ZFR: variants seen among roughly 807,000 people sequenced by gnomAD.
ZFR encodes the protein zinc finger RNA-binding protein.
In ZFR, 19 loss-of-function variants were observed where a neutral mutation model predicts 130.7. The observed-to-expected ratio is 0.15, with a 90% CI of 0.10 to 0.21. ZFR has a LOEUF of 0.21. Among genes scored for constraint, ZFR ranks in the 10% least tolerant of loss-of-function variants. ZFR has a pLI of 1.00. For synonymous variants in ZFR, 466 were observed against 456.9 expected, an observed-to-expected ratio of 1.02 and a Z score of -0.25; for missense variants, 872 against 1,321.5, an observed-to-expected ratio of 0.66 and a Z score of 5.27.
rs10693151 is a variant in ZFR, at chr5:32,422,798, C to CAAAAAAAAAAA, written c.138-2706_138-2696dup. The stretch of plus-strand genomic sequence containing the variant: ...CTGGATGACAGAGTAAAACCTGTCT[C>CAAAAAAAAAAA]AAAAAAAAAAAAAAAAAAAAAAAAG... On this transcript the variant is annotated intron_variant, in intron 2 of 19. Coordinates refer to ENST00000265069, the MANE Select transcript of ZFR (RefSeq NM_016107.5). Among the ~76,000 whole-genome samples the CAAAAAAAAAAA allele has an allele frequency of 4.9e-3, 117 of 23,998 alleles. 11 individuals carry two copies. Among genetic ancestry groups the CAAAAAAAAAAA allele is most frequent in the African/African-American group, 0.012 (81 of 6,754 alleles). 15.7% of individuals were successfully genotyped at this position (23,998 alleles called of 152,430 possible).
chr5:32,384,554 T>C (rs1157060062), intron 15 of ZFR, among the ~76,000 whole-genome samples: 1 of 152,196 alleles, frequency 6.6e-6, no homozygotes, highest in Middle Eastern at 3.2e-3. Context: ...TACAAATGAA[T>C]TTTAATATTA....
At chr5:32,420,651 CAT>C (rs1457308595) in intron 2 of ZFR, among the ~76,000 whole-genome samples, 1 of 152,178 alleles carries the variant, frequency 6.6e-6, no homozygotes, top group Admixed American at 6.5e-5. Flanking sequence ...CCCCAGGGGA[CAT>C]ATGGCCATAT....
At chr5:32,397,397 C>G in intron 9 of ZFR, 59 bp from the exon 10 acceptor site, 1 of 1,571,074 alleles carries the variant, frequency 6.4e-7, no homozygotes, top group South Asian at 1.2e-5. Flanking sequence ...CATTCATAAA[C>G]CCCCACATAT....
chr5:32,442,300 T>A (rs1178163124), intron 2 of ZFR, among the ~76,000 whole-genome samples: 2 of 152,236 alleles, frequency 1.3e-5, no homozygotes, highest in Admixed American at 6.5e-5. Flanking sequence ...CAGATGCTGA[T>A]TAGCTATCTC....
Position 32,389,847 on chromosome 5 carries a change from A to G in ZFR, c.2142+428T>C, listed in dbSNP as rs181954823. ...ATAAAAAATGGAGGAAAGATTCTAAATCAGATTAAAAACTTGTATCAAGCT... is the reference window on the plus strand; with the variant it reads ...ATAAAAAATGGAGGAAAGATTCTAAGTCAGATTAAAAACTTGTATCAAGCT... On this transcript the variant is annotated intron_variant, in intron 12 of 19. Transcript: ENST00000265069. Among the ~76,000 whole-genome samples, 375 of 152,318 alleles carry G rather than the reference A, an allele frequency of 2.5e-3. 1 individual carries two copies. The highest frequency in any genetic ancestry group is 0.014 in the Middle Eastern group (4 of 294).
intron 2 of ZFR, among the ~76,000 whole-genome samples, chr5:32,427,374 C>CAAAAAA (rs540663022): frequency 1.2e-4 from 8 of 66,472 alleles, no homozygotes; most frequent in African/African-American, 5.2e-4. Context: ...GACTCTGTCT[C>CAAAAAA]AAAAAAAAAA....
intron 2 of ZFR, among the ~76,000 whole-genome samples, chr5:32,426,007 T>G (rs576090776): frequency 6.6e-6 from 1 of 152,360 alleles, no homozygotes; most frequent in South Asian, 2.1e-4. Context: ...TCTCTATTTA[T>G]TATCCCTTTA....
At chr5:32,389,020 C>G (rs1194207248) in intron 12 of ZFR, among the ~76,000 whole-genome samples, 2 of 152,228 alleles carry the variant, frequency 1.3e-5, no homozygotes, top group Non-Finnish European at 2.9e-5. Context: ...ACTGCCAACC[C>G]TCTGAGCAAA....
At chr5:32,395,559 T>G (rs1190682749) in intron 10 of ZFR, among the ~76,000 whole-genome samples, 1 of 152,182 alleles carries the variant, frequency 6.6e-6, no homozygotes, top group Non-Finnish European at 1.5e-5. Context: ...CTAATGGATA[T>G]TTAATTTTAC....
chr5:32,432,224 T>C (rs1173996630), intron 2 of ZFR, among the ~76,000 whole-genome samples: 1 of 152,124 alleles, frequency 6.6e-6, no homozygotes, highest in African/African-American at 2.4e-5. Context: ...TGAACTTTGA[T>C]TGCGCCACTG....
chr5:32,375,719 C>G (rs1752789701), intron 17 of ZFR, among the ~76,000 whole-genome samples: 1 of 152,130 alleles, frequency 6.6e-6, no homozygotes, highest in Admixed American at 6.5e-5. Flanking sequence ...GTTGCCCAAG[C>G]TGGTCTCCAA....
At chr5:32,407,097 AAATT>A in intron 5 of ZFR, 76 bp from the exon 6 acceptor site, 2 of 1,246,020 alleles carry the variant, frequency 1.6e-6, no homozygotes, top group Non-Finnish European at 2.2e-6. Context: ...AATTTAAATT[AAATT>A]AATCCTGCCA....
chr5:32,397,184 G>T (rs748336250), intron 10 of ZFR, 35 bp downstream of exon 10: 6 of 1,562,896 alleles, frequency 3.8e-6, no homozygotes, highest in Non-Finnish European at 4.3e-6. Context: ...TTTGTTTTTT[G>T]TTTTAAAGAA....
chr5:32,376,133 T>C (rs1752803115), intron 17 of ZFR, among the ~76,000 whole-genome samples: 1 of 152,014 alleles, frequency 6.6e-6, no homozygotes, highest in South Asian at 2.1e-4. Context: ...TGAGCCACCA[T>C]GCCCAGTTTT....
At chr5:32,385,366 A>C in intron 15 of ZFR, 142 bp downstream of exon 15, 104 of 842,628 alleles carry the variant, frequency 1.2e-4, no homozygotes, top group Non-Finnish European at 1.6e-4. Flanking sequence ...ATCTTAGGCA[A>C]AACCGGTTGC....
chr5:32,358,770 A>T (rs546594344), intron 19 of ZFR, among the ~76,000 whole-genome samples: 3 of 152,116 alleles, frequency 2.0e-5, no homozygotes, highest in Non-Finnish European at 2.9e-5. Flanking sequence ...GTCTTGGCTG[A>T]AGGGCATATC....
At chr5:32,409,753 G>A (rs776226565) in intron 5 of ZFR, among the ~76,000 whole-genome samples, 11 of 152,182 alleles carry the variant, frequency 7.2e-5, no homozygotes, top group East Asian at 3.9e-4. Flanking sequence ...TTGCTGAACC[G>A]ATGGATACAG....
intron 2 of ZFR, among the ~76,000 whole-genome samples, chr5:32,431,147 G>A (rs111287040): frequency 0.019 from 2,867 of 152,274 alleles, 88 homozygotes; most frequent in African/African-American, 0.066. Context: ...ATTTACTTTA[G>A]AAAGAATAAA....
rs144054761 is a variant in ZFR at position 32,389,702 on chromosome 5, T to A, written c.2142+573A>T. Among the ~76,000 whole-genome samples, 1,190 of 152,320 alleles carry A rather than the reference T, an allele frequency of 7.8e-3. 15 individuals carry two copies. The highest frequency in any genetic ancestry group is 0.027 in the African/African-American group (1,123 of 41,576). ...GAAAACCAAAGGCAAGAGTCTCATGTGAAAGAACAGTTGGCATAAAAAGCT... is the reference window on the plus strand; with the variant it reads ...GAAAACCAAAGGCAAGAGTCTCATGAGAAAGAACAGTTGGCATAAAAAGCT... On this transcript the variant is annotated intron_variant, in intron 12 of 19. Transcript: ENST00000265069.
Sources: allele counts gnomAD v4.1 joint callset (sites outside exome capture counted in the v4.1 genomes callset), GRCh38; gene constraint gnomAD v4.1.1; transcripts MANE v1.5; gene names NCBI Gene and HGNC (gene_info 2026-07-23, HGNC 2026-07-21).